Variants in PDZRN4 observed in about 807,000 individuals in gnomAD.
PDZRN4 encodes PDZ domain containing ring finger 4.
A neutral mutation model predicts 99.0 loss-of-function variants in PDZRN4; 70 were observed. The ratio of observed to expected loss-of-function variants is 0.71; its 90% CI spans 0.58 to 0.86. The LOEUF (loss-of-function observed/expected upper bound fraction) is 0.86, where lower values mean the gene tolerates loss of function less well. Among genes scored for constraint, PDZRN4 ranks in the 40% least tolerant of loss-of-function variants. PDZRN4 has a pLI of 0.00. For synonymous variants in PDZRN4, 551 were observed against 501.6 expected (o/e 1.10, Z -1.32); for missense variants, 1,474 against 1,331.2 (o/e 1.11, Z -1.67).
chr12:41,539,672 G>T (rs1938813531), intron 5 of PDZRN4, among the ~76,000 whole-genome samples: 1 of 152,068 alleles, frequency 6.6e-6, no homozygotes, highest in Admixed American at 6.5e-5. Context: ...TATCAACAGG[G>T]TTATCTATTT....
chr12:41,442,230 A>G (rs990214295), intron 3 of PDZRN4, among the ~76,000 whole-genome samples: 1 of 151,750 alleles, frequency 6.6e-6, no homozygotes, highest in Non-Finnish European at 1.5e-5. Flanking sequence ...CCCAATTTGG[A>G]CCCTTGTAAC....
intron 3 of PDZRN4, among the ~76,000 whole-genome samples, chr12:41,418,422 G>A (rs1952461946): frequency 6.6e-6 from 1 of 152,042 alleles, no homozygotes; most frequent in Non-Finnish European, 1.5e-5. Flanking sequence ...ATCAAAACAA[G>A]GAAGTAATAG....
intron 3 of PDZRN4, among the ~76,000 whole-genome samples, chr12:41,435,809 A>G (rs901919573): frequency 6.6e-6 from 1 of 152,154 alleles, no homozygotes; most frequent in Non-Finnish European, 1.5e-5. Context: ...ATAAAATAAA[A>G]TAAAATACAG....
chr12:41,302,567 T>C (rs993826704), intron 3 of PDZRN4, among the ~76,000 whole-genome samples: 3 of 152,134 alleles, frequency 2.0e-5, no homozygotes, highest in African/African-American at 7.2e-5. Context: ...ACACTTAAAT[T>C]GTTCTCTAGG....
intron 3 of PDZRN4, among the ~76,000 whole-genome samples, chr12:41,200,147 C>T (rs971147379): frequency 3.9e-5 from 6 of 152,092 alleles, no homozygotes; most frequent in Admixed American, 3.9e-4. Flanking sequence ...ATCATTAAAT[C>T]GAGTAGGGTA....
chr12:41,447,921 G>T (rs944269810), intron 3 of PDZRN4, among the ~76,000 whole-genome samples: 2 of 152,084 alleles, frequency 1.3e-5, no homozygotes, highest in Non-Finnish European at 2.9e-5. Flanking sequence ...ATGGAGGAGA[G>T]GAAGGGAAGA....
intron 3 of PDZRN4, among the ~76,000 whole-genome samples, chr12:41,242,916 G>A (rs1951110064): frequency 1.3e-5 from 2 of 152,138 alleles, no homozygotes; most frequent in African/African-American, 4.8e-5. Context: ...AATAGAATTG[G>A]CAGAAGCATC....
intron 3 of PDZRN4, among the ~76,000 whole-genome samples, chr12:41,333,529 C>G (rs1261137339): frequency 6.6e-6 from 1 of 152,120 alleles, no homozygotes; most frequent in African/African-American, 2.4e-5. Flanking sequence ...GTGTTAGATT[C>G]TGAGTTCCAG....
intron 3 of PDZRN4, among the ~76,000 whole-genome samples, chr12:41,227,254 G>T (rs1016284715): frequency 3.3e-5 from 5 of 152,096 alleles, no homozygotes; most frequent in African/African-American, 1.2e-4. Flanking sequence ...TTTGAGGTTT[G>T]TTCTGTTTAT....
chr12:41,274,657 C>A (rs1402046461), intron 3 of PDZRN4, among the ~76,000 whole-genome samples: 2 of 152,094 alleles, frequency 1.3e-5, no homozygotes, highest in Non-Finnish European at 2.9e-5. Context: ...TGGTGGAGAG[C>A]AGATCTCCCA....
chr12:41,222,036 A>G (rs766311342), intron 3 of PDZRN4, among the ~76,000 whole-genome samples: 10 of 152,202 alleles, frequency 6.6e-5, no homozygotes, highest in Non-Finnish European at 1.3e-4. Context: ...CAGCATTGCA[A>G]TGCTCACAAA....
At chr12:41,470,136 C>A (rs1024061889) in intron 3 of PDZRN4, among the ~76,000 whole-genome samples, 1 of 151,952 alleles carries the variant, frequency 6.6e-6, no homozygotes, top group Admixed American at 6.6e-5. Context: ...CTCTGTTTAT[C>A]GAGATGGGTT....
At chr12:41,288,295 C>A (rs1248759416) in intron 3 of PDZRN4, among the ~76,000 whole-genome samples, 1 of 152,088 alleles carries the variant, frequency 6.6e-6, no homozygotes, top group Non-Finnish European at 1.5e-5. Context: ...TAGGCCCTGG[C>A]TAACTTTTAC....
At chr12:41,466,114 G>A (rs1444526370) in intron 3 of PDZRN4, among the ~76,000 whole-genome samples, 1 of 152,114 alleles carries the variant, frequency 6.6e-6, no homozygotes, top group African/African-American at 2.4e-5. Context: ...ATTAAATCCA[G>A]GCTAGAGGTT....
At chr12:41,253,954 A>G (rs1344082557) in intron 3 of PDZRN4, among the ~76,000 whole-genome samples, 1 of 151,978 alleles carries the variant, frequency 6.6e-6, no homozygotes, top group Non-Finnish European at 1.5e-5. Flanking sequence ...GAAGATAGAG[A>G]ATAGATTCCT....
chr12:41,406,704 A>C (rs1380062987), intron 3 of PDZRN4, among the ~76,000 whole-genome samples: 1 of 151,826 alleles, frequency 6.6e-6, no homozygotes, highest in Non-Finnish European at 1.5e-5. Context: ...GACCAGCCAG[A>C]CCAACATAGC....
chr12:41,459,715 T>C (rs573693957), intron 3 of PDZRN4, among the ~76,000 whole-genome samples: 1 of 152,338 alleles, frequency 6.6e-6, no homozygotes, highest in South Asian at 2.1e-4. Context: ...TGAATGCTTA[T>C]TAGACACTAT....
At chr12:41,286,914 T>C (rs540296893) in intron 3 of PDZRN4, among the ~76,000 whole-genome samples, 1 of 152,346 alleles carries the variant, frequency 6.6e-6, no homozygotes, top group Non-Finnish European at 1.5e-5. Context: ...CTTTTCATGG[T>C]CTTTATGTTA....
chr12:41,488,046 T>C (rs575683858), intron 3 of PDZRN4, among the ~76,000 whole-genome samples: 3 of 152,312 alleles, frequency 2.0e-5, no homozygotes, highest in Admixed American at 6.5e-5. Context: ...TATGCAGTCA[T>C]GTCAGGAGCA....
Sources: allele counts gnomAD v4.1 joint callset (sites outside exome capture counted in the v4.1 genomes callset), GRCh38; gene constraint gnomAD v4.1.1; transcripts MANE v1.5; gene names NCBI Gene and HGNC (gene_info 2026-07-23, HGNC 2026-07-21).